The following PKP4 variants were observed in gnomAD, a reference collection of about 807,000 sequenced individuals.
PKP4 encodes the protein plakophilin-4.
PKP4 carries 90 observed loss-of-function variants against 145.1 expected under a neutral mutation model. The observed-to-expected ratio is 0.62, with a 90% CI of 0.52 to 0.74. The LOEUF is 0.74. Among genes scored for constraint, PKP4 ranks in the 30% least tolerant of loss-of-function variants. The pLI, the probability that PKP4 is intolerant of heterozygous loss-of-function variation, is 0.00. For synonymous variants in PKP4, 563 were observed against 577.2 expected, an observed-to-expected ratio of 0.98 and a Z score of 0.35; for missense variants, 1,340 against 1,482.7, an observed-to-expected ratio of 0.90 and a Z score of 1.58.
intron 1 of PKP4, among the ~76,000 whole-genome samples, chr2:158,475,900 A>G (rs576140699): frequency 6.6e-6 from 1 of 152,302 alleles, no homozygotes; most frequent in East Asian, 1.9e-4. Flanking sequence ...ATTCACATAA[A>G]TTTTCAGATA....
At chr2:158,652,383 T>C (rs2055452232) in intron 11 of PKP4, among the ~76,000 whole-genome samples, 1 of 152,144 alleles carries the variant, frequency 6.6e-6, no homozygotes, top group African/African-American at 2.4e-5. Flanking sequence ...GAGGCCATAT[T>C]GTAGCAGGAT....
chr2:158,603,146 A>T, intron 4 of PKP4, 42 bp downstream of exon 4: 1 of 1,082,652 alleles, frequency 9.2e-7, no homozygotes, highest in East Asian at 2.6e-5. Context: ...GATAAACACA[A>T]ATTACATAGC....
chr2:158,516,439 G>A (rs1002884580), intron 1 of PKP4, among the ~76,000 whole-genome samples: 6 of 152,028 alleles, frequency 3.9e-5, no homozygotes, highest in Non-Finnish European at 8.8e-5. Context: ...CACACTTTGA[G>A]AATTTTAAAT....
At chr2:158,567,757 C>T (rs537851930) in intron 2 of PKP4, among the ~76,000 whole-genome samples, 1 of 152,160 alleles carries the variant, frequency 6.6e-6, no homozygotes, top group African/African-American at 2.4e-5. Context: ...CCCCACACCA[C>T]CATGGCAGGG....
chr2:158,521,757 C>T (rs901777262), intron 1 of PKP4, among the ~76,000 whole-genome samples: 3 of 152,138 alleles, frequency 2.0e-5, no homozygotes, highest in Non-Finnish European at 2.9e-5. Context: ...GTACTTCATT[C>T]TTCTGCAATA....
intron 3 of PKP4, among the ~76,000 whole-genome samples, chr2:158,589,745 G>A (rs1199641972): frequency 3.3e-5 from 5 of 152,108 alleles, no homozygotes; most frequent in Non-Finnish European, 7.4e-5. Flanking sequence ...AATAAAGGAA[G>A]GTTGGTAGTA....
In PKP4 at chr2:158,680,481, C is replaced by A. The variant is rs753049090; in HGVS notation, c.3383C>A (p.Ala1128Glu). 1 of 1,611,866 alleles carries A rather than the reference C, an allele frequency of 6.2e-7. No homozygotes were observed. The highest frequency in any genetic ancestry group is 8.5e-7 in the Non-Finnish European group (1 of 1,177,982). The change falls in exon 22 of 22, where the codon GCA becomes GAA. Residue 1128 changes from alanine (A) to glutamate (E), a missense_variant. Coordinates refer to ENST00000389759, the MANE Select transcript of PKP4 (RefSeq NM_003628.6). Reference sequence around the variant, plus strand: ...GACTCCAACAGAAAGAACTTTGATGCATACAGATTGTATTTGCAGTCTCCT... The same window carrying A: ...GACTCCAACAGAAAGAACTTTGATGAATACAGATTGTATTTGCAGTCTCCT... Reference protein sequence around the residue: ...QDDSNRKNFDAYRLYLQSPHS... With the variant: ...QDDSNRKNFDEYRLYLQSPHS...
chr2:158,627,956 TTTTTTATTTA>T (rs1230792450), intron 7 of PKP4, among the ~76,000 whole-genome samples: 3 of 151,464 alleles, frequency 2.0e-5, no homozygotes, highest in Non-Finnish European at 4.4e-5. Context: ...GAAAAAATTA[TTTTTTATTTA>T]TTTTTATTTA....
rs776032071 is a variant in PKP4, at chr2:158,663,045, G to GGAA, written c.2370_2372dup (p.Lys794dup). 23 of 1,612,320 alleles carry GGAA rather than the reference G, an allele frequency of 1.4e-5. No homozygotes were observed. Among genetic ancestry groups the GGAA allele is most frequent in the Non-Finnish European group, 1.9e-5 (23 of 1,179,620 alleles). Reference sequence around the variant, plus strand: ...AAAGACTCTGAGCCAAGTTGCTGGGGGAAGAAGAAGAAAAAGAAAAAGAGG... The same window carrying GGAA: ...AAAGACTCTGAGCCAAGTTGCTGGGGGAAGAAGAAGAAGAAAAAGAAAAAGAGG... On this transcript the variant is annotated inframe_insertion, in exon 14 of 22. Transcript: ENST00000389759.
chr2:158,521,079 G>T (rs1480359841), intron 1 of PKP4, among the ~76,000 whole-genome samples: 1 of 152,192 alleles, frequency 6.6e-6, no homozygotes, highest in African/African-American at 2.4e-5. Context: ...CTATGTACAA[G>T]AGTGTCTCTA....
At chr2:158,617,324 T>A (rs1003106531) in intron 4 of PKP4, among the ~76,000 whole-genome samples, 16 of 146,966 alleles carry the variant, frequency 1.1e-4, no homozygotes, top group Non-Finnish European at 1.4e-4. Flanking sequence ...TGTTTGTGAA[T>A]TTTTTTTTTT....
intron 1 of PKP4, among the ~76,000 whole-genome samples, chr2:158,483,044 A>G (rs946797690): frequency 6.6e-6 from 1 of 152,174 alleles, no homozygotes; most frequent in African/African-American, 2.4e-5. Flanking sequence ...AGACCTCAAG[A>G]GTAGTCATTG....
At chr2:158,561,447 T>C (rs750100116) in intron 2 of PKP4, among the ~76,000 whole-genome samples, 1 of 152,228 alleles carries the variant, frequency 6.6e-6, no homozygotes, top group Non-Finnish European at 1.5e-5. Context: ...GTTGAACCAA[T>C]GGGGAATGGA....
intron 9 of PKP4, among the ~76,000 whole-genome samples, chr2:158,638,806 G>C (rs1300482877): frequency 6.6e-6 from 1 of 152,334 alleles, no homozygotes; most frequent in Non-Finnish European, 1.5e-5. Context: ...GAAGAAAAGA[G>C]AGGAATCAAA....
At chr2:158,502,151 A>AATCATGAAATGATTTTTTTTCATG (rs1031787836) in intron 1 of PKP4, among the ~76,000 whole-genome samples, 7 of 152,188 alleles carry the variant, frequency 4.6e-5, no homozygotes, top group Admixed American at 1.3e-4. Context: ...ATTTTTAAAA[A>AATCATGAAATGATTTTTTTTCATG]ATCATGAAAT....
intron 17 of PKP4, among the ~76,000 whole-genome samples, chr2:158,670,120 C>T (rs1009783097): frequency 6.6e-6 from 1 of 152,204 alleles, no homozygotes; most frequent in African/African-American, 2.4e-5. Flanking sequence ...TTGGTTTTCA[C>T]TTTATTGTAA....
intron 1 of PKP4, among the ~76,000 whole-genome samples, chr2:158,484,337 G>A (rs1475040592): frequency 4.6e-5 from 7 of 152,302 alleles, no homozygotes; most frequent in African/African-American, 1.2e-4. Flanking sequence ...GTGAGCCACC[G>A]CGCCCGGCCT....
At chr2:158,575,882 T>A (rs1240905946) in intron 2 of PKP4, among the ~76,000 whole-genome samples, 1 of 152,254 alleles carries the variant, frequency 6.6e-6, no homozygotes, top group African/African-American at 2.4e-5. Flanking sequence ...TATCTTAGCC[T>A]GGTACTGAAT....
intron 2 of PKP4, among the ~76,000 whole-genome samples, chr2:158,577,014 C>A (rs982108540): frequency 6.6e-6 from 1 of 151,774 alleles, no homozygotes; most frequent in Non-Finnish European, 1.5e-5. Flanking sequence ...ACCTCAGAAC[C>A]AAAATCAGAA....
Sources: allele counts gnomAD v4.1 joint callset (sites outside exome capture counted in the v4.1 genomes callset), GRCh38; gene constraint gnomAD v4.1.1; transcripts MANE v1.5; gene names NCBI Gene and HGNC (gene_info 2026-07-23, HGNC 2026-07-21).